MAGI3: variants seen among roughly 807,000 people sequenced by gnomAD.
MAGI3 encodes membrane associated guanylate kinase, WW and PDZ domain containing 3.
A neutral mutation model predicts 121.8 loss-of-function variants in MAGI3; 43 were observed. The ratio of observed to expected loss-of-function variants is 0.35; its 90% CI spans 0.28 to 0.46. The LOEUF (loss-of-function observed/expected upper bound fraction) is 0.46, where lower values mean the gene tolerates loss of function less well. Among genes scored for constraint, MAGI3 ranks in the 20% least tolerant of loss-of-function variants. MAGI3 has a pLI of 1.00. For synonymous variants in MAGI3, 553 were observed against 639.3 expected (o/e 0.86, Z 2.04); for missense variants, 1,547 against 1,797.3 (o/e 0.86, Z 2.52).
chr1:113,590,451 C>G (rs747356073), intron 4 of MAGI3, 33 bp from the exon 5 acceptor site: 29 of 1,607,278 alleles, frequency 1.8e-5, no homozygotes, highest in Non-Finnish European at 2.4e-5. Flanking sequence ...ACTTTACCCA[C>G]TTTTCACACC....
chr1:113,649,861 C>G (rs1457396154), intron 13 of MAGI3, among the ~76,000 whole-genome samples: 1 of 152,244 alleles, frequency 6.6e-6, no homozygotes, highest in South Asian at 2.1e-4. Context: ...TGTCCAGAGG[C>G]ATAAGGGTTA....
At chr1:113,575,134 T>A (rs948195493) in intron 2 of MAGI3, among the ~76,000 whole-genome samples, 2 of 152,186 alleles carry the variant, frequency 1.3e-5, no homozygotes, top group Non-Finnish European at 2.9e-5. Context: ...GGTTAGAAGA[T>A]GGTCCTTTAG....
rs1297284019 is a variant in MAGI3 at position 113,442,555 on chromosome 1, G to GTA, written c.316+51216_316+51217dup. ...TCTTCATTCTCAAAAATATATATGT[G>GTA]TATATATATATGATCATTATGTATT... On this transcript the variant is annotated intron_variant, in intron 1 of 20. Coordinates refer to ENST00000307546, the MANE Select transcript of MAGI3 (RefSeq NM_001142782.2). Among the ~76,000 whole-genome samples the GTA allele has an allele frequency of 6.6e-5, 10 of 151,216 alleles. No individual in the cohort carries two copies. The South Asian group carries it at 8.3e-4, about 13-fold the overall frequency.
rs1557744360 is a variant in MAGI3, at chr1:113,416,271, A to AATGACACAT, written c.316+24924_316+24925insGACACATAT. 1.1e-3 allele frequency among the ~76,000 whole-genome samples: 41 copies of AATGACACAT among 37,388 alleles called. 8 individuals are homozygous for AATGACACAT. Among genetic ancestry groups the AATGACACAT allele is most frequent in the Non-Finnish European group, 1.7e-3 (31 of 18,464 alleles). The allele number at this position is 37,388 out of a possible 152,430, so 24.5% of individuals were successfully genotyped here. A position where few individuals can be genotyped will look rare whatever the true frequency, so the allele number is the denominator to read the frequency against. On this transcript the variant is annotated intron_variant, in intron 1 of 20. Coordinates refer to ENST00000307546, the MANE Select transcript of MAGI3 (RefSeq NM_001142782.2). ...AATTAATTACACATATTAATTATGT[A>AATGACACAT]ATTAATTACACATATTAATTATGTA...
chr1:113,449,436 AAC>A (rs1211228935), intron 1 of MAGI3, among the ~76,000 whole-genome samples: 1 of 151,850 alleles, frequency 6.6e-6, no homozygotes. Context: ...ATTAAGAAAA[AAC>A]AAATGAATTC....
chr1:113,450,641 G>T, intron 1 of MAGI3: 2 of 1,015,860 alleles, frequency 2.0e-6, no homozygotes, highest in Non-Finnish European at 1.6e-6. Flanking sequence ...CGTGAAAGGG[G>T]ACAGTTCTGG....
At chr1:113,418,889 T>A (rs917616409) in intron 1 of MAGI3, among the ~76,000 whole-genome samples, 1 of 152,190 alleles carries the variant, frequency 6.6e-6, no homozygotes, top group Non-Finnish European at 1.5e-5. Context: ...GTAGAACAAC[T>A]TTAAAGATTT....
In MAGI3 at chr1:113,391,091, G is replaced by C. The variant is rs1291393423; in HGVS notation, c.58G>C (p.Val20Leu). ...GCTCAGCAAGGTGCAGGAGTGCGCC[G>C]TGTCCTGGGCCGGGCCCCCGGGCGA... ...HWLSKVQECA[V>L]SWAGPPGDFG... The change falls in exon 1 of 21, where the codon GTG becomes CTG. Residue 20 changes from valine to leucine, a missense_variant. Val to Leu is a conservative substitution (Grantham distance 32). Coordinates refer to ENST00000307546, the MANE Select transcript of MAGI3 (RefSeq NM_001142782.2). This position sits in a 1 kb window ranked among gnomAD's most constrained non-coding sequence, Gnocchi z 4.4. 5 of 1,588,624 alleles carry C rather than the reference G, an allele frequency of 3.1e-6. No individual in the cohort carries two copies. Among genetic ancestry groups the C allele is most frequent in the Admixed American group, 1.8e-5 (1 of 56,958 alleles).
chr1:113,623,006 T>C lies in MAGI3; in HGVS notation c.1360+12T>C, dbSNP rs750497579. ...GAAAATTGCACCAGGTAAGAAATTT[T>C]TCATAATTATTTGAAGAGTAGTGAT... On this transcript the variant is annotated intron_variant, in intron 9 of 20. Transcript: ENST00000307546. 2.0e-4 allele frequency: 301 copies of C among 1,493,626 alleles called. No homozygotes were observed. The highest frequency in any genetic ancestry group is 1.4e-3 in the Middle Eastern group (8 of 5,696). The allele number at this position is 1,493,626 out of a possible 1,614,324, so 92.5% of individuals were successfully genotyped here. A position where few individuals can be genotyped will look rare whatever the true frequency, so the allele number is the denominator to read the frequency against.
chr1:113,604,119 A>C (rs1465961795), intron 6 of MAGI3, among the ~76,000 whole-genome samples: 1 of 152,190 alleles, frequency 6.6e-6, no homozygotes, highest in African/African-American at 2.4e-5. Context: ...TGATCCAGGA[A>C]TCCCACTCCT....
intron 2 of MAGI3, among the ~76,000 whole-genome samples, chr1:113,550,238 G>A (rs1285576023): frequency 1.4e-5 from 2 of 146,824 alleles, no homozygotes; most frequent in Non-Finnish European, 3.0e-5. Context: ...GTGAAACCCC[G>A]TCTCTACTAA....
At chr1:113,682,112 C>A in intron 20 of MAGI3, 1 of 1,188,972 alleles carries the variant, frequency 8.4e-7, no homozygotes. Context: ...CTTCCACCAT[C>A]TGCTTGTAAA....
chr1:113,394,800 A>G (rs1033397222), intron 1 of MAGI3, among the ~76,000 whole-genome samples: 8 of 152,182 alleles, frequency 5.3e-5, no homozygotes, highest in Admixed American at 6.5e-5. Context: ...ACCCTAAGCA[A>G]GTAGTGTATC....
At chr1:113,451,409 T>C (rs2101488001) in intron 1 of MAGI3, among the ~76,000 whole-genome samples, 1 of 152,304 alleles carries the variant, frequency 6.6e-6, no homozygotes, top group African/African-American at 2.4e-5. Context: ...TAATCAAAAC[T>C]GTGCAGATTT....
chr1:113,545,061 T>TTTTG (rs1027976328), intron 1 of MAGI3, among the ~76,000 whole-genome samples: 4 of 149,366 alleles, frequency 2.7e-5, no homozygotes, highest in Admixed American at 2.1e-4. Flanking sequence ...AAATATAGTT[T>TTTTG]TTTGTTTGTT....
intron 1 of MAGI3, among the ~76,000 whole-genome samples, chr1:113,527,148 AT>A (rs1658491101): frequency 1.3e-5 from 2 of 152,008 alleles, no homozygotes. Context: ...TACTGATTTG[AT>A]ATGTCAGTGA....
At chr1:113,568,210 T>C (rs1660513313) in intron 2 of MAGI3, among the ~76,000 whole-genome samples, 1 of 152,078 alleles carries the variant, frequency 6.6e-6, no homozygotes, top group Non-Finnish European at 1.5e-5. Context: ...AAATTATTTC[T>C]TTCATACCAT....
chr1:113,433,542 AGG>A (rs1373495668), intron 1 of MAGI3, among the ~76,000 whole-genome samples: 1 of 152,244 alleles, frequency 6.6e-6, no homozygotes, highest in Non-Finnish European at 1.5e-5. Context: ...GCTCTCTCAA[AGG>A]AATTTAGAAT....
Position 113,390,550 on chromosome 1 carries a change from C to A in MAGI3, c.-484C>A, listed in dbSNP as rs1438194864. 6.6e-6 allele frequency among the ~76,000 whole-genome samples: 1 copy of A among 152,048 alleles called. No homozygotes were observed. The highest frequency in any genetic ancestry group is 1.5e-5 in the Non-Finnish European group (1 of 67,922). On this transcript the variant is annotated 5_prime_UTR_variant, in exon 1 of 21. Transcript: ENST00000307546. ...CAGCTTGGGCAGGCGTTGGTCTCCG[C>A]GCTACAGCTCCGCAGCGGCCACGAT...
Sources: allele counts gnomAD v4.1 joint callset (sites outside exome capture counted in the v4.1 genomes callset), GRCh38; gene constraint gnomAD v4.1.1; non-coding constraint Gnocchi (gnomAD v3.1); transcripts MANE v1.5; gene names NCBI Gene and HGNC (gene_info 2026-07-23, HGNC 2026-07-21).